The following ZNF521 variants were observed in gnomAD, a reference collection of about 807,000 sequenced individuals.
The protein encoded by ZNF521 is LYST-interacting protein 3.
Under a neutral mutation model 105.5 loss-of-function variants are expected in ZNF521, and 14 were observed. The observed-to-expected ratio is 0.13, with a 90% CI of 0.09 to 0.21. ZNF521 has a LOEUF of 0.21. Among genes scored for constraint, ZNF521 ranks in the 10% least tolerant of loss-of-function variants. The pLI is 1.00. For missense variants in ZNF521, 1,233 were observed against 1,629.7 expected (o/e 0.76, Z 4.19); for synonymous variants, 635 against 606.0 (o/e 1.05, Z -0.70).
chr18:25,259,070 G>T (rs1326745286), intron 3 of ZNF521, among the ~76,000 whole-genome samples: 2 of 152,136 alleles, frequency 1.3e-5, no homozygotes, highest in African/African-American at 4.8e-5. Flanking sequence ...TGGAAGATTT[G>T]AACCCATGTA....
chr18:25,154,628 T>C (rs1387926080), intron 5 of ZNF521, among the ~76,000 whole-genome samples: 2 of 152,122 alleles, frequency 1.3e-5, no homozygotes, highest in African/African-American at 4.8e-5. Context: ...AAATCACCTA[T>C]AAGTAACTCA....
intron 4 of ZNF521, among the ~76,000 whole-genome samples, chr18:25,203,655 A>C (rs1289640239): frequency 1.3e-5 from 2 of 152,064 alleles, no homozygotes; most frequent in African/African-American, 2.4e-5. Flanking sequence ...AGATGGTGGG[A>C]AATAGAAAGA....
chr18:25,324,448 C>T (rs1317765189), intron 2 of ZNF521, among the ~76,000 whole-genome samples: 2 of 150,300 alleles, frequency 1.3e-5, no homozygotes, highest in African/African-American at 2.4e-5. Context: ...CAAACTAAAA[C>T]CAAGTGATGA....
chr18:25,071,742 G>A (rs2033229678), intron 7 of ZNF521, among the ~76,000 whole-genome samples: 1 of 152,104 alleles, frequency 6.6e-6, no homozygotes, highest in South Asian at 2.1e-4. Flanking sequence ...TTAGTCCCAC[G>A]GCTGGGCCAG....
intron 4 of ZNF521, among the ~76,000 whole-genome samples, chr18:25,200,006 GTA>G (rs1337347636): frequency 2.6e-5 from 4 of 152,002 alleles, no homozygotes; most frequent in African/African-American, 9.7e-5. Context: ...CCTGTTAAGA[GTA>G]GATAAAGGAG....
At chr18:25,308,500 T>C (rs958758113) in intron 3 of ZNF521, among the ~76,000 whole-genome samples, 3 of 152,144 alleles carry the variant, frequency 2.0e-5, no homozygotes, top group Non-Finnish European at 4.4e-5. Context: ...GCAGATTCTA[T>C]GCTGCTTCAT....
At chr18:25,337,662 C>T (rs1913965631) in intron 2 of ZNF521, among the ~76,000 whole-genome samples, 1 of 152,182 alleles carries the variant, frequency 6.6e-6, no homozygotes, top group Non-Finnish European at 1.5e-5. Context: ...CTGCCAACTG[C>T]AGTGTGAATT....
intron 3 of ZNF521, among the ~76,000 whole-genome samples, chr18:25,310,445 G>A (rs1912239087): frequency 6.7e-6 from 1 of 149,240 alleles, no homozygotes; most frequent in Non-Finnish European, 1.5e-5. Flanking sequence ...AAAAAAAAAA[G>A]AGGGAGGGAA....
intron 4 of ZNF521, among the ~76,000 whole-genome samples, chr18:25,217,039 A>G (rs1905371691): frequency 6.6e-6 from 1 of 152,158 alleles, no homozygotes; most frequent in African/African-American, 2.4e-5. Context: ...GGCAGAGTTA[A>G]GAAGGAAGAG....
intron 3 of ZNF521, among the ~76,000 whole-genome samples, chr18:25,281,709 A>T (rs1362826578): frequency 2.0e-5 from 3 of 152,208 alleles, no homozygotes; most frequent in African/African-American, 7.2e-5. Flanking sequence ...GACTATTAAA[A>T]GGTGGAGCTA....
At chr18:25,350,009 G>A (rs1297996964) in intron 2 of ZNF521, among the ~76,000 whole-genome samples, 2 of 151,662 alleles carry the variant, frequency 1.3e-5, no homozygotes, top group Non-Finnish European at 3.0e-5. Flanking sequence ...TTCCTCGGAA[G>A]GAGGCTCGCG....
At chr18:25,086,492 C>T (rs896809733) in intron 7 of ZNF521, among the ~76,000 whole-genome samples, 4 of 152,054 alleles carry the variant, frequency 2.6e-5, no homozygotes, top group Admixed American at 1.3e-4. Flanking sequence ...TGTGTTGAAA[C>T]TAAAGCCACT....
At chr18:25,272,680 C>A (rs1909739846) in intron 3 of ZNF521, among the ~76,000 whole-genome samples, 1 of 151,854 alleles carries the variant, frequency 6.6e-6, no homozygotes, top group Non-Finnish European at 1.5e-5. Flanking sequence ...CCAAACACTG[C>A]ATGTTATCAG....
chr18:25,240,762 T>C (rs1029483079), intron 3 of ZNF521, among the ~76,000 whole-genome samples: 28 of 151,882 alleles, frequency 1.8e-4, no homozygotes, highest in African/African-American at 6.5e-4. Flanking sequence ...TTAAGACCCA[T>C]AGAGGGTACA....
intron 7 of ZNF521, among the ~76,000 whole-genome samples, chr18:25,078,471 A>G (rs2033416409): frequency 6.6e-6 from 1 of 152,170 alleles, no homozygotes; most frequent in Admixed American, 6.5e-5. Context: ...GACTAATGCC[A>G]CCCAAACATC....
intron 3 of ZNF521, among the ~76,000 whole-genome samples, chr18:25,289,445 C>T (rs1281317872): frequency 1.3e-5 from 2 of 152,048 alleles, no homozygotes; most frequent in African/African-American, 4.8e-5. Context: ...ATGAGGAAGG[C>T]GAGCACGAAG....
intron 3 of ZNF521, among the ~76,000 whole-genome samples, chr18:25,274,524 G>C (rs191426789): frequency 2.0e-5 from 3 of 152,106 alleles, no homozygotes; most frequent in Non-Finnish European, 4.4e-5. Context: ...AAATTTCACT[G>C]ACAAATATTT....
intron 2 of ZNF521, chr18:25,327,640 G>T: frequency 1.9e-6 from 1 of 521,012 alleles, no homozygotes. Flanking sequence ...ACCAAAGGGC[G>T]GGATCATTAT....
chr18:25,247,830 A>G (rs1907837250), intron 3 of ZNF521, among the ~76,000 whole-genome samples: 2 of 152,164 alleles, frequency 1.3e-5, no homozygotes, highest in South Asian at 4.1e-4. Context: ...TGAGAGGCAA[A>G]AAAACCTAAA....
Sources: gnomAD v4.1 joint callset for allele counts (sites outside exome capture counted in the v4.1 genomes callset) on GRCh38, gnomAD v4.1.1 for gene constraint, MANE v1.5 for transcripts, NCBI Gene and HGNC (gene_info 2026-07-23, HGNC 2026-07-21) for gene names.